The following GLIS3 variants were observed in gnomAD, a reference collection of about 807,000 sequenced individuals.
GLIS3 encodes GLIS family zinc finger 3.
In GLIS3, 53 loss-of-function variants were observed where a neutral mutation model predicts 78.6. The observed-to-expected ratio is 0.67, with a 90% confidence interval of 0.54 to 0.85. The LOEUF (loss-of-function observed/expected upper bound fraction) is 0.85. GLIS3 is among the 40% of genes least tolerant of loss of function. The pLI is 0.00. For synonymous variants in GLIS3, 684 were observed against 509.9 expected (o/e 1.34, Z -4.60); for missense variants, 1,703 against 1,231.1 (o/e 1.38, Z -5.74).
At chr9:3,997,139 G>C (rs1286961925) in intron 4 of GLIS3, among the ~76,000 whole-genome samples, 1 of 152,160 alleles carries the variant, frequency 6.6e-6, no homozygotes, top group African/African-American at 2.4e-5. Context: ...CCTGAGGTTG[G>C]AGTTCAAGAC....
intron 4 of GLIS3, among the ~76,000 whole-genome samples, chr9:4,023,263 C>T (rs1459426192): frequency 1.3e-5 from 2 of 152,134 alleles, no homozygotes; most frequent in Non-Finnish European, 2.9e-5. Flanking sequence ...TACTCAAGAA[C>T]AAATTTTCCT....
chr9:3,876,243 CTG>C (rs1386948877), intron 8 of GLIS3, among the ~76,000 whole-genome samples: 1 of 152,078 alleles, frequency 6.6e-6, no homozygotes, highest in East Asian at 1.9e-4. Context: ...TTCTTCAAAA[CTG>C]TCAATGTTCT....
At chr9:4,001,287 T>A in intron 4 of GLIS3, among the ~76,000 whole-genome samples, 1 of 152,332 alleles carries the variant, frequency 6.6e-6, no homozygotes, top group South Asian at 2.1e-4. Context: ...GAATCATGCT[T>A]TCAATGGCTT....
At position 3,825,635 on chromosome 9, in the gene GLIS3, A is replaced by G. The variant is rs1387658405; in HGVS notation, c.*2637T>C. ...TTTCCACTTGTACTGCTGCAAAAAT[A>G]ATGATGAATATATATATAAATCTTC... On this transcript the variant is annotated 3_prime_UTR_variant, in exon 11 of 11. Coordinates refer to ENST00000381971, the MANE Select transcript of GLIS3 (RefSeq NM_001042413.2). 6.6e-6 allele frequency: 1 copy of G among 152,256 alleles called. No individual in the cohort carries two copies. Among genetic ancestry groups the G allele is most frequent in the Non-Finnish European group, 1.5e-5 (1 of 68,052 alleles). The allele number at this position is 152,256 out of a possible 1,614,324, so 9.4% of individuals were successfully genotyped here.
chr9:4,248,930 G>A (rs1177669690), intron 2 of GLIS3, among the ~76,000 whole-genome samples: 2 of 152,102 alleles, frequency 1.3e-5, no homozygotes, highest in Non-Finnish European at 2.9e-5. Context: ...TTTTAGAAGG[G>A]GTGGTTATAG....
At chr9:4,059,553 C>T (rs1174256444) in intron 4 of GLIS3, among the ~76,000 whole-genome samples, 9 of 152,208 alleles carry the variant, frequency 5.9e-5, no homozygotes, top group Non-Finnish European at 1.0e-4. Context: ...TCTTGGCCTT[C>T]TGCCTACCAT....
At chr9:4,117,705 C>A in intron 4 of GLIS3, 63 bp downstream of exon 4, 7 of 1,599,728 alleles carry the variant, frequency 4.4e-6, no homozygotes, top group Non-Finnish European at 4.3e-6. Context: ...TAGGAAAAAA[C>A]ACACGTACGC....
At chr9:4,061,594 G>C (rs1242550106) in intron 4 of GLIS3, among the ~76,000 whole-genome samples, 2 of 152,080 alleles carry the variant, frequency 1.3e-5, no homozygotes, top group African/African-American at 2.4e-5. Context: ...CACTTATAAA[G>C]ACTGAACTAC....
chr9:4,346,406 G>A (rs1240342663), intron 2 of GLIS3, among the ~76,000 whole-genome samples: 2 of 151,888 alleles, frequency 1.3e-5, no homozygotes, highest in East Asian at 3.9e-4. Context: ...CTGCCCTGAA[G>A]CATTAAAACT....
At chr9:4,390,142 T>C in the GLIS3 span, among the ~76,000 whole-genome samples, 3 of 152,368 alleles carry the variant, frequency 2.0e-5, no homozygotes, top group South Asian at 6.2e-4. Context: ...TGAAAGATCA[T>C]GACATGTTTG....
At chr9:4,475,454 T>G in the GLIS3 span, among the ~76,000 whole-genome samples, 1 of 152,214 alleles carries the variant, frequency 6.6e-6, no homozygotes, top group Non-Finnish European at 1.5e-5. Flanking sequence ...CTATTCTTTG[T>G]GGTATTATTT....
At chr9:4,365,156 C>T in the GLIS3 span, among the ~76,000 whole-genome samples, 3 of 152,208 alleles carry the variant, frequency 2.0e-5, no homozygotes, top group East Asian at 1.9e-4. Context: ...CACAGACATA[C>T]TGCGAAGTGT....
chr9:3,828,178 G>A lies in GLIS3; in HGVS notation c.*94C>T. 2 of 1,463,828 alleles carry A rather than the reference G, an allele frequency of 1.4e-6. No individual in the cohort carries two copies. Among genetic ancestry groups the A allele is most frequent in the Non-Finnish European group, 1.9e-6 (2 of 1,049,016 alleles). The allele number at this position is 1,463,828 out of a possible 1,614,324, so 90.7% of individuals were successfully genotyped here. ...CTCTGCAGGGCCCGCTGATTGGGCT[G>A]ACATCCTTCCTCAAGCAGTCTGTGA... On this transcript the variant is annotated 3_prime_UTR_variant, in exon 11 of 11. Transcript: ENST00000381971.
intron 4 of GLIS3, among the ~76,000 whole-genome samples, chr9:3,991,624 G>A (rs1407565213): frequency 2.0e-5 from 3 of 148,946 alleles, no homozygotes; most frequent in Non-Finnish European, 4.4e-5. Context: ...TTTAACTGTT[G>A]CTTATCTTGG....
chr9:4,174,766 G>A (rs1197940377), intron 2 of GLIS3, among the ~76,000 whole-genome samples: 2 of 152,148 alleles, frequency 1.3e-5, no homozygotes, highest in Non-Finnish European at 2.9e-5. Flanking sequence ...ATTCAGGTTC[G>A]CGGGCTATAT....
intron 4 of GLIS3, among the ~76,000 whole-genome samples, chr9:4,092,508 T>G (rs1829607745): frequency 6.6e-6 from 1 of 152,230 alleles, no homozygotes; most frequent in African/African-American, 2.4e-5. Flanking sequence ...CTTTCTTTAT[T>G]TCCTTATTGC....
At chr9:4,282,921 T>C (rs1441655685) in intron 2 of GLIS3, among the ~76,000 whole-genome samples, 33 of 152,106 alleles carry the variant, frequency 2.2e-4, no homozygotes, top group Admixed American at 2.2e-3. Flanking sequence ...CTGATTCTTC[T>C]CCAGCTTCAT....
At chr9:4,432,936 C>T in the GLIS3 span, among the ~76,000 whole-genome samples, 6 of 152,100 alleles carry the variant, frequency 3.9e-5, no homozygotes, top group Non-Finnish European at 8.8e-5. Context: ...GTGTGAGCTA[C>T]CACACCCAGC....
chr9:4,224,818 T>C (rs921074249), intron 2 of GLIS3, among the ~76,000 whole-genome samples: 1 of 152,014 alleles, frequency 6.6e-6, no homozygotes, highest in Non-Finnish European at 1.5e-5. Context: ...ACATCAATGT[T>C]GAACAGCAAA....
Sources: gnomAD v4.1 joint callset for allele counts (sites outside exome capture counted in the v4.1 genomes callset) on GRCh38, gnomAD v4.1.1 for gene constraint, MANE v1.5 for transcripts, NCBI Gene and HGNC (gene_info 2026-07-23, HGNC 2026-07-21) for gene names.